Variants in AGAP3 observed in about 807,000 individuals in gnomAD.
AGAP3 encodes ArfGAP with GTPase domain, ankyrin repeat and PH domain 3.
AGAP3 carries 24 observed loss-of-function variants against 96.9 expected under a neutral mutation model. The observed-to-expected ratio is 0.25, with a 90% CI of 0.18 to 0.35. The LOEUF is 0.35. Ranked by LOEUF, AGAP3 falls within the 10% of genes least tolerant of loss-of-function variation. AGAP3 has a pLI of 1.00. For missense variants in AGAP3, 876 were observed against 1,254.2 expected, an observed-to-expected ratio of 0.70 and a Z score of 4.55; for synonymous variants, 563 against 536.1, an observed-to-expected ratio of 1.05 and a Z score of -0.69.
chr7:151,123,601 T>C, intron 8 of AGAP3, 193 bp from the exon 9 acceptor site: 2 of 1,436,326 alleles, frequency 1.4e-6, no homozygotes, highest in Non-Finnish European at 1.8e-6. Flanking sequence ...TGCTGCTCTG[T>C]ATGGTGCCGT....
At chr7:151,125,678 C>T (rs10232511) in intron 9 of AGAP3, among the ~76,000 whole-genome samples, 45,150 of 152,224 alleles carry the variant, frequency 0.3, 6,972 homozygotes, top group Middle Eastern at 0.35. Flanking sequence ...GGTCCAGCCC[C>T]GCCAGATCTG....
intron 11 of AGAP3, among the ~76,000 whole-genome samples, chr7:151,137,026 G>A (rs1376582886): frequency 6.6e-6 from 1 of 152,242 alleles, no homozygotes. Context: ...GTCCTCTTTG[G>A]GGTGTTGTGA....
intron 10 of AGAP3, among the ~76,000 whole-genome samples, chr7:151,128,902 A>G (rs1800291086): frequency 6.6e-6 from 1 of 152,202 alleles, no homozygotes; most frequent in Non-Finnish European, 1.5e-5. Context: ...CAAGCTGTAT[A>G]TCCGACTTTC....
At chr7:151,088,339 T>C (rs573032196) in intron 1 of AGAP3, among the ~76,000 whole-genome samples, 1 of 152,338 alleles carries the variant, frequency 6.6e-6, no homozygotes, top group East Asian at 1.9e-4. Context: ...TTCTTTCCTC[T>C]CAAGGCTGAG....
At chr7:151,115,296 C>G in intron 1 of AGAP3, 1 of 1,003,708 alleles carries the variant, frequency 1.0e-6, no homozygotes. Context: ...CGGGCGCGGG[C>G]CGGAGGGGCC....
chr7:151,122,943 G>A (rs1799979728), intron 8 of AGAP3: 6 of 1,447,598 alleles, frequency 4.1e-6, no homozygotes, highest in Non-Finnish European at 5.4e-6. Context: ...CACCCCCAGG[G>A]AAGGCTAGGA....
chr7:151,117,102 T>C lies in AGAP3; in HGVS notation c.398T>C (p.Val133Ala). The C allele has an allele frequency of 6.2e-7, 1 of 1,614,000 alleles. No individual in the cohort carries two copies. Among genetic ancestry groups the C allele is most frequent in the Non-Finnish European group, 8.5e-7 (1 of 1,179,920 alleles). ...CCCCTTCCTCTCCCGCAGGGCATAG[T>C]GGGGAACCTGTCTAGCGGGAAGTCA... ...RSVPELKVGI[V>A]GNLSSGKSAL... The change falls in exon 3 of 18, where the codon GTG becomes GCG. Residue 133 changes from valine (V) to alanine (A), a missense_variant. Physicochemically the swap from Val to Ala is moderately conservative, Grantham distance 64. This residue lies in a region of AGAP3 where 131 missense variants were observed against 304.5 expected (regional missense o/e 0.43). Coordinates refer to ENST00000397238, the MANE Select transcript of AGAP3 (RefSeq NM_031946.7).
intron 12 of AGAP3, 39 bp downstream of exon 12, chr7:151,138,352 C>A: frequency 6.4e-7 from 1 of 1,570,688 alleles, no homozygotes. Flanking sequence ...TTTTCTGGGG[C>A]CCCAGTGACA....
At position 151,133,918 on chromosome 7, in the gene AGAP3, A is replaced by AT. The variant is rs1266324261; in HGVS notation, c.1327-480dup. ...CTTTTAAACTGTTTGACAAGTGTTT[A>AT]TTATCAGACACTGTCCTAAGGGCTG... On this transcript the variant is annotated intron_variant, in intron 10 of 17. Transcript: ENST00000397238. This position sits in a 1 kb window ranked among gnomAD's most constrained non-coding sequence, Gnocchi z 5.4. Among the ~76,000 whole-genome samples the AT allele has an allele frequency of 6.6e-6, 1 of 152,186 alleles. No individual in the cohort carries two copies. Among genetic ancestry groups the AT allele is most frequent in the Non-Finnish European group, 1.5e-5 (1 of 68,018 alleles).
chr7:151,143,879 A>G lies in AGAP3; in HGVS notation c.2672A>G (p.Asn891Ser), dbSNP rs367721396. 2.9e-5 allele frequency: 47 copies of G among 1,613,976 alleles called. No individual in the cohort carries two copies. Among genetic ancestry groups the G allele is most frequent in the East Asian group, 6.7e-5 (3 of 44,880 alleles). ...GEGCGLAPTP[N>S]REPANGTNPS... is the part of the protein sequence containing the mutation. ...GGCTGTGGCTTAGCGCCTACCCCCA[A>G]CAGAGAGCCTGCCAATGGCACCAAC... is the stretch of plus-strand genomic sequence containing the variant. Residue 891 changes from asparagine to serine, a missense_variant, in exon 18 of 18, where the codon AAC becomes AGC. By Grantham distance (46) the Asn-to-Ser change is conservative. Transcript: ENST00000397238. The surrounding 1 kb of genome is among the most constrained non-coding windows in gnomAD (Gnocchi z 5.9).
intron 1 of AGAP3, among the ~76,000 whole-genome samples, chr7:151,091,724 G>A: frequency 6.6e-6 from 1 of 152,190 alleles, no homozygotes; most frequent in African/African-American, 2.4e-5. Context: ...AGGCTGCATG[G>A]CCTCGTGGGA....
intron 1 of AGAP3, among the ~76,000 whole-genome samples, chr7:151,092,079 C>T (rs1203873528): frequency 1.3e-5 from 2 of 152,124 alleles, no homozygotes; most frequent in South Asian, 2.1e-4. Flanking sequence ...TCCACCCTGC[C>T]GTGTTCCTAG....
chr7:151,139,703 C>T lies in AGAP3; in HGVS notation c.1667-276C>T. ...GTGAGTTCCCTGGGCTGCCTTCCAC[C>T]CCTCCAGGCTGCAGAGGCAGCTTCC... is the stretch of plus-strand genomic sequence containing the variant. On this transcript the variant is annotated intron_variant, in intron 12 of 17. Transcript: ENST00000397238. The surrounding 1 kb of genome is among the most constrained non-coding windows in gnomAD (Gnocchi z 4.9). 3.4e-6 allele frequency: 1 copy of T among 296,472 alleles called. No homozygotes were observed. Among genetic ancestry groups the T allele is most frequent in the Admixed American group, 5.1e-5 (1 of 19,432 alleles). 18.4% of individuals were successfully genotyped at this position (296,472 alleles called of 1,614,324 possible).
At position 151,114,334 on chromosome 7, in the gene AGAP3, C is replaced by A. The variant is rs1340298505; in HGVS notation, c.332-2459C>A. Among the ~76,000 whole-genome samples, 2 of 152,238 alleles carry A rather than the reference C, an allele frequency of 1.3e-5. No homozygotes were observed. The highest frequency in any genetic ancestry group is 2.9e-5 in the Non-Finnish European group (2 of 68,042). Reference sequence around the variant, plus strand: ...CATGTTCTTGGCTCTTCTGGCTCTTCCTTTGAAGAATGAGAAATGGCCCGC... The same window carrying A: ...CATGTTCTTGGCTCTTCTGGCTCTTACTTTGAAGAATGAGAAATGGCCCGC... On this transcript the variant is annotated intron_variant, in intron 1 of 17. Transcript: ENST00000397238. This position sits in a 1 kb window ranked among gnomAD's most constrained non-coding sequence, Gnocchi z 4.4.
At position 151,114,793 on chromosome 7, in the gene AGAP3, G is replaced by A. The variant is rs1487784878; in HGVS notation, c.332-2000G>A. 54 of 1,039,988 alleles carry A rather than the reference G, an allele frequency of 5.2e-5. No individual in the cohort carries two copies. Among genetic ancestry groups the A allele is most frequent in the Non-Finnish European group, 5.9e-5 (51 of 867,484 alleles). 64.4% of individuals were successfully genotyped at this position (1,039,988 alleles called of 1,614,324 possible). A position where few individuals can be genotyped will look rare whatever the true frequency, so the allele number is the denominator to read the frequency against. ...AGCATGGAGCGGGGCTGGCCGCAGG[G>A]GGACAGCTGTCCCGGGGAGCGGCCC... On this transcript the variant is annotated intron_variant, in intron 1 of 17. Coordinates refer to ENST00000397238, the MANE Select transcript of AGAP3 (RefSeq NM_031946.7). The surrounding 1 kb of genome is among the most constrained non-coding windows in gnomAD (Gnocchi z 4.4).
chr7:151,117,790 C>T lies in AGAP3; in HGVS notation c.706+13C>T, dbSNP rs1279265907. 6.2e-7 allele frequency: 1 copy of T among 1,606,324 alleles called. No homozygotes were observed. Among genetic ancestry groups the T allele is most frequent in the Non-Finnish European group, 8.5e-7 (1 of 1,175,500 alleles). ...GTGGGCACGCAGGGTGAGGCGGGGCCCTGCAGGAGCTGGCAGAGAGCAGGA... is the reference window on the plus strand; with the variant it reads ...GTGGGCACGCAGGGTGAGGCGGGGCTCTGCAGGAGCTGGCAGAGAGCAGGA... On this transcript the variant is annotated intron_variant, in intron 5 of 17. Coordinates refer to ENST00000397238, the MANE Select transcript of AGAP3 (RefSeq NM_031946.7).
In AGAP3 at chr7:151,108,215, T is replaced by G. The variant is rs1799136748; in HGVS notation, c.332-8578T>G. ...ACCGAGTCTTCGAGGGGAGGGCCTT[T>G]GTCCTGTCCACCATTGCACCCAGCA... On this transcript the variant is annotated intron_variant, in intron 1 of 17. Transcript: ENST00000397238. The surrounding 1 kb of genome is among the most constrained non-coding windows in gnomAD (Gnocchi z 4.2). Among the ~76,000 whole-genome samples the G allele has an allele frequency of 6.6e-6, 1 of 152,188 alleles. No individual in the cohort carries two copies. The highest frequency in any genetic ancestry group is 6.5e-5 in the Admixed American group (1 of 15,286).
rs1319603746 is a variant in AGAP3 at position 151,139,102 on chromosome 7, A to G, written c.1666+789A>G. ...TCCTCTCCTGTCCCTTGCGCTTTCC[A>G]TGCCCTTGTCCTGAGTGATGGTGTA... On this transcript the variant is annotated intron_variant, in intron 12 of 17. Transcript: ENST00000397238. The surrounding 1 kb of genome is among the most constrained non-coding windows in gnomAD (Gnocchi z 4.9). Among the ~76,000 whole-genome samples the G allele has an allele frequency of 6.6e-6, 1 of 152,236 alleles. No homozygotes were observed. The highest frequency in any genetic ancestry group is 6.5e-5 in the Admixed American group (1 of 15,292).
chr7:151,105,575 G>T (rs1799006933), intron 1 of AGAP3, among the ~76,000 whole-genome samples: 1 of 150,574 alleles, frequency 6.6e-6, no homozygotes, highest in Admixed American at 6.6e-5. Flanking sequence ...GGGCAACATA[G>T]GGAAACCCCG....
Sources: allele counts gnomAD v4.1 joint callset (sites outside exome capture counted in the v4.1 genomes callset), GRCh38; gene constraint gnomAD v4.1.1; regional missense constraint gnomAD v4.1.1; non-coding constraint Gnocchi (gnomAD v3.1); transcripts MANE v1.5; gene names NCBI Gene and HGNC (gene_info 2026-07-23, HGNC 2026-07-21).